The following ZBTB42 variants were observed in gnomAD, a reference collection of about 807,000 sequenced individuals.
ZBTB42 encodes the protein zinc finger and BTB domain-containing protein 42.
A neutral mutation model predicts 4.7 loss-of-function variants in ZBTB42; 3 were observed. That is an observed-to-expected ratio of 0.64 (90% CI 0.29 to 1.66). The LOEUF is 1.66. ZBTB42 is among the 40% of genes most tolerant of loss of function. The pLI is 0.10. For synonymous variants in ZBTB42, 255 were observed against 259.5 expected (o/e 0.98, Z 0.17); for missense variants, 521 against 577.1 (o/e 0.90, Z 1.00).
Position 104,801,848 on chromosome 14 carries a change from A to G in ZBTB42, c.651A>G (p.Pro217=), listed in dbSNP as rs1468599380. 1.3e-6 allele frequency: 2 copies of G among 1,550,112 alleles called. No individual in the cohort carries two copies. The highest frequency in any genetic ancestry group is 2.4e-5 in the East Asian group (1 of 40,916). The change falls in exon 1 of 1, where the codon CCA becomes CCG. Residue 217 remains proline (P), a synonymous_variant. Coordinates refer to ENST00000342537, the MANE Select transcript of ZBTB42 (RefSeq NM_001137601.3). This position sits in a 1 kb window ranked among gnomAD's most constrained non-coding sequence, Gnocchi z 4.4. Reference sequence around the variant, plus strand: ...CACCCCTCTGCAGCCAGAGGCAGCCAGGGGCCCAGCCACTGGTGAAGGACG... The same window carrying G: ...CACCCCTCTGCAGCCAGAGGCAGCCGGGGGCCCAGCCACTGGTGAAGGACG... ...LQTPLCSQRQ[P]GAQPLVKDER... is the part of the protein sequence containing the mutation.
rs778464420 is a variant in ZBTB42 at position 104,801,696 on chromosome 14, G to C, written c.499G>C (p.Ala167Pro). The C allele has an allele frequency of 1.2e-5, 18 of 1,550,150 alleles. No individual in the cohort carries two copies. The South Asian group carries it at 1.9e-4, about 16-fold the overall frequency. The change falls in exon 1 of 1, where the codon GCC becomes CCC. Residue 167 changes from alanine to proline, a missense_variant. Coordinates refer to ENST00000342537, the MANE Select transcript of ZBTB42 (RefSeq NM_001137601.3). The surrounding 1 kb of genome is among the most constrained non-coding windows in gnomAD (Gnocchi z 4.4). ...GCTCCCCCCGTTTGGGGTCAAGGCT[G>C]CCCTCCCTCCTCGAGCATCTGGGCC... The part of the protein sequence containing the change: ...AKLPPFGVKA[A>P]LPPRASGPPP...
In ZBTB42 at chr14:104,801,389, G is replaced by T. The variant is rs1473958003; in HGVS notation, c.192G>T (p.Val64=). The change falls in exon 1 of 1, where the codon GTG becomes GTT. Residue 64 remains valine, a synonymous_variant. Coordinates refer to ENST00000342537, the MANE Select transcript of ZBTB42 (RefSeq NM_001137601.3). The surrounding 1 kb of genome is among the most constrained non-coding windows in gnomAD (Gnocchi z 4.4). Reference sequence around the variant, plus strand: ...GGCCCGCGGGCAGTCGCGACACGGTGCGGCTCAACGGCGACATCGTCACGG... The same window carrying T: ...GGCCCGCGGGCAGTCGCGACACGGTTCGGCTCAACGGCGACATCGTCACGG... ...RDRPAGSRDT[V]RLNGDIVTAP... 8 of 1,547,654 alleles carry T rather than the reference G, an allele frequency of 5.2e-6. No homozygotes were observed. The highest frequency in any genetic ancestry group is 7.0e-6 in the Non-Finnish European group (8 of 1,145,462).
At chr14:104,801,064 C>G (rs1401818774), upstream of ZBTB42, 26 of 1,229,698 alleles carry the variant, frequency 2.1e-5, no homozygotes, top group Non-Finnish European at 2.1e-5. This position sits in a 1 kb window ranked among gnomAD's most constrained non-coding sequence, Gnocchi z 4.4. Flanking sequence ...CGCGGCGGCT[C>G]TGGACGGGAG....
Position 104,801,387 on chromosome 14 carries a change from G to A in ZBTB42, c.190G>A (p.Val64Met). 3 of 1,547,558 alleles carry A rather than the reference G, an allele frequency of 1.9e-6. No homozygotes were observed. ...RDRPAGSRDT[V>M]RLNGDIVTAP... ...CCGGCCCGCGGGCAGTCGCGACACGGTGCGGCTCAACGGCGACATCGTCAC... is the reference window on the plus strand; with the variant it reads ...CCGGCCCGCGGGCAGTCGCGACACGATGCGGCTCAACGGCGACATCGTCAC... The change falls in exon 1 of 1, where the codon GTG (valine) becomes ATG (methionine). Residue 64 changes from valine (V) to methionine (M), a missense_variant. Transcript: ENST00000342537. This position sits in a 1 kb window ranked among gnomAD's most constrained non-coding sequence, Gnocchi z 4.4.
chr14:104,801,756 G>A lies in ZBTB42; in HGVS notation c.559G>A (p.Ala187Thr). ...PCQVPEESDQ[A>T]LDLSLKSGPR... ...CCAGGTCCCAGAAGAGTCAGACCAG[G>A]CCCTGGACCTGTCGTTGAAGTCTGG... The change falls in exon 1 of 1, where the codon GCC becomes ACC. Residue 187 changes from alanine to threonine, a missense_variant. Transcript: ENST00000342537. The surrounding 1 kb of genome is among the most constrained non-coding windows in gnomAD (Gnocchi z 4.4). 1 of 1,549,642 alleles carries A rather than the reference G, an allele frequency of 6.5e-7. No individual in the cohort carries two copies. The highest frequency in any genetic ancestry group is 8.7e-7 in the Non-Finnish European group (1 of 1,146,602).
chr14:104,800,755 TCTCCCCG>T (rs1894020776), upstream of ZBTB42: 1 of 146,068 alleles, frequency 6.8e-6, no homozygotes, highest in Non-Finnish European at 1.5e-5. This position sits in a 1 kb window ranked among gnomAD's most constrained non-coding sequence, Gnocchi z 5.3. Flanking sequence ...CCGCCGGCCC[TCTCCCCG>T]CTCCCCGCGG....
rs1482222357 is a variant in ZBTB42 at position 104,804,064 on chromosome 14, G to C, written c.*1598G>C. 6.0e-6 allele frequency: 1 copy of C among 166,766 alleles called. No individual in the cohort carries two copies. The highest frequency in any genetic ancestry group is 2.4e-5 in the African/African-American group (1 of 41,452). 10.3% of individuals were successfully genotyped at this position (166,766 alleles called of 1,614,324 possible). A position where few individuals can be genotyped will look rare whatever the true frequency, so the allele number is the denominator to read the frequency against. Reference sequence around the variant, plus strand: ...GGCTTTGGTCTCGAGACAGCTGGGGGAGGGGCCCTGCTTCTGATTGTCCTG... The same window carrying C: ...GGCTTTGGTCTCGAGACAGCTGGGGCAGGGGCCCTGCTTCTGATTGTCCTG... On this transcript the variant is annotated 3_prime_UTR_variant, in exon 1 of 1. Coordinates refer to ENST00000342537, the MANE Select transcript of ZBTB42 (RefSeq NM_001137601.3).
Position 104,802,641 on chromosome 14 carries a change from T to A in ZBTB42, c.*175T>A. 4.1e-6 allele frequency: 4 copies of A among 972,004 alleles called. No homozygotes were observed. Among genetic ancestry groups the A allele is most frequent in the Non-Finnish European group, 6.0e-6 (4 of 664,438 alleles). 60.2% of individuals were successfully genotyped at this position (972,004 alleles called of 1,614,324 possible). The stretch of plus-strand genomic sequence containing the variant: ...TCCTGGAACTTGGCCTCAGACTCGG[T>A]AACTTGGGCAGCCTTCCTCCCACCT... On this transcript the variant is annotated 3_prime_UTR_variant, in exon 1 of 1. Coordinates refer to ENST00000342537, the MANE Select transcript of ZBTB42 (RefSeq NM_001137601.3). The surrounding 1 kb of genome is among the most constrained non-coding windows in gnomAD (Gnocchi z 5.9).
At position 104,802,053 on chromosome 14, in the gene ZBTB42, G is replaced by C. The variant is rs1372932885; in HGVS notation, c.856G>C (p.Glu286Gln). ...TGCAGGGCGACTGGCGAGTGAGGAC[G>C]AGCTGGGGCCTGGTGGGCCCCTCTG... Reference protein sequence around the residue: ...LGAGRLASEDELGPGGPLCIC... With the variant: ...LGAGRLASEDQLGPGGPLCIC... Residue 286 changes from glutamate to glutamine, a missense_variant, in exon 1 of 1, where the codon GAG becomes CAG. Glu to Gln is a conservative substitution (Grantham distance 29). Transcript: ENST00000342537. This position sits in a 1 kb window ranked among gnomAD's most constrained non-coding sequence, Gnocchi z 5.9. 3.3e-6 allele frequency: 5 copies of C among 1,498,398 alleles called. No homozygotes were observed. In the South Asian group the frequency reaches 6.4e-5, roughly 19 times the overall value. The allele number at this position is 1,498,398 out of a possible 1,614,324, so 92.8% of individuals were successfully genotyped here. A position where few individuals can be genotyped will look rare whatever the true frequency, so the allele number is the denominator to read the frequency against.
At position 104,802,390 on chromosome 14, in the gene ZBTB42, G is replaced by A. The variant is rs573642664; in HGVS notation, c.1193G>A (p.Arg398His). 38 of 1,550,838 alleles carry A rather than the reference G, an allele frequency of 2.5e-5. 1 individual carries two copies. Among genetic ancestry groups the A allele is most frequent in the African/African-American group, 9.6e-5 (7 of 73,198 alleles). Residue 398 changes from arginine to histidine, a missense_variant, in exon 1 of 1, where the codon CGT (arginine) becomes CAT (histidine). Transcript: ENST00000342537. This position sits in a 1 kb window ranked among gnomAD's most constrained non-coding sequence, Gnocchi z 5.9. ...CATGCCTGCCGGTGGTGTGAGCGCC[G>A]TTTCACGCAGTCCGGGGACCTCTAC... The part of the protein sequence containing the change: ...KPHACRWCER[R>H]FTQSGDLYRH...
chr14:104,801,871 A>T lies in ZBTB42; in HGVS notation c.674A>T (p.Asp225Val). ...CCAGGGGCCCAGCCACTGGTGAAGGACGAACGGGACTCACTGTCCGAACAG... is the reference window on the plus strand; with the variant it reads ...CCAGGGGCCCAGCCACTGGTGAAGGTCGAACGGGACTCACTGTCCGAACAG... ...RQPGAQPLVKDERDSLSEQEE... is the reference protein window; with the variant it reads ...RQPGAQPLVKVERDSLSEQEE... Residue 225 changes from aspartate to valine, a missense_variant, in exon 1 of 1, where the codon GAC (aspartate) becomes GTC (valine). Coordinates refer to ENST00000342537, the MANE Select transcript of ZBTB42 (RefSeq NM_001137601.3). This position sits in a 1 kb window ranked among gnomAD's most constrained non-coding sequence, Gnocchi z 4.4. 1 of 1,549,666 alleles carries T rather than the reference A, an allele frequency of 6.5e-7. No homozygotes were observed. Among genetic ancestry groups the T allele is most frequent in the South Asian group, 1.2e-5 (1 of 84,058 alleles).
rs1361463754 is a variant in ZBTB42 at position 104,803,079 on chromosome 14, G to GC, written c.*613_*614insC. On this transcript the variant is annotated 3_prime_UTR_variant, in exon 1 of 1. Coordinates refer to ENST00000342537, the MANE Select transcript of ZBTB42 (RefSeq NM_001137601.3). ...CAGCTGGTGTCTCGGGGTGGGGGGG[G>GC]GGGTGCAGCCCCAGCAGGGATCCTA... 2 of 147,634 alleles carry GC rather than the reference G, an allele frequency of 1.4e-5. No individual in the cohort carries two copies. The highest frequency in any genetic ancestry group is 2.7e-5 in the African/African-American group (1 of 37,564). 9.1% of individuals were successfully genotyped at this position (147,634 alleles called of 1,614,324 possible). A position where few individuals can be genotyped will look rare whatever the true frequency, so the allele number is the denominator to read the frequency against.
rs774942685 is a variant in ZBTB42, at chr14:104,802,375, G to A, written c.1178G>A (p.Arg393Gln). Reference protein sequence around the residue: ...VHTREKPHACRWCERRFTQSG... With the variant: ...VHTREKPHACQWCERRFTQSG... ...ACTCGAGAGAAGCCGCATGCCTGCC[G>A]GTGGTGTGAGCGCCGTTTCACGCAG... is the stretch of plus-strand genomic sequence containing the variant. Residue 393 changes from arginine (R) to glutamine (Q), a missense_variant, in exon 1 of 1, where the codon CGG (arginine) becomes CAG (glutamine). By Grantham distance (43) the Arg-to-Gln change is conservative. Transcript: ENST00000342537. This position sits in a 1 kb window ranked among gnomAD's most constrained non-coding sequence, Gnocchi z 5.9. 95 of 1,550,596 alleles carry A rather than the reference G, an allele frequency of 6.1e-5. No homozygotes were observed. Among genetic ancestry groups the A allele is most frequent in the Non-Finnish European group, 4.5e-5 (52 of 1,147,082 alleles).
rs1340303050 is a variant in ZBTB42, at chr14:104,803,969, TG to T, written c.*1505del. The T allele has an allele frequency of 1.2e-5, 2 of 166,560 alleles. No individual in the cohort carries two copies. Among genetic ancestry groups the T allele is most frequent in the African/African-American group, 4.8e-5 (2 of 41,460 alleles). The allele number at this position is 166,560 out of a possible 1,614,324, so 10.3% of individuals were successfully genotyped here. A position where few individuals can be genotyped will look rare whatever the true frequency, so the allele number is the denominator to read the frequency against. ...GCATCTCCCACGCGCCCTGGGCTCC[TG>T]GTGTGCTGGGTGCCAGCCTGGGAGC... is the stretch of plus-strand genomic sequence containing the variant. On this transcript the variant is annotated 3_prime_UTR_variant, in exon 1 of 1. Transcript: ENST00000342537.
chr14:104,801,438 G>A lies in ZBTB42; in HGVS notation c.241G>A (p.Asp81Asn). The change falls in exon 1 of 1, where the codon GAC (aspartate) becomes AAC (asparagine). Residue 81 changes from aspartate (D) to asparagine (N), a missense_variant. Coordinates refer to ENST00000342537, the MANE Select transcript of ZBTB42 (RefSeq NM_001137601.3). This position sits in a 1 kb window ranked among gnomAD's most constrained non-coding sequence, Gnocchi z 4.4. ...VTAPAFGRLL[D>N]FMYEGRLDLR... Reference sequence around the variant, plus strand: ...GGCGCCCGCCTTCGGCCGCCTACTGGACTTCATGTACGAGGGCCGCCTGGA... The same window carrying A: ...GGCGCCCGCCTTCGGCCGCCTACTGAACTTCATGTACGAGGGCCGCCTGGA... 6.5e-7 allele frequency: 1 copy of A among 1,549,950 alleles called. No individual in the cohort carries two copies. Among genetic ancestry groups the A allele is most frequent in the African/African-American group, 1.4e-5 (1 of 73,190 alleles).
rs1894109282 is a variant in ZBTB42, at chr14:104,803,803, C to G, written c.*1337C>G. The G allele has an allele frequency of 6.0e-6, 1 of 166,850 alleles. No homozygotes were observed. Among genetic ancestry groups the G allele is most frequent in the African/African-American group, 2.4e-5 (1 of 41,432 alleles). 10.3% of individuals were successfully genotyped at this position (166,850 alleles called of 1,614,324 possible). A position where few individuals can be genotyped will look rare whatever the true frequency, so the allele number is the denominator to read the frequency against. Reference sequence around the variant, plus strand: ...CAGAGCCACCTGGACGCCTGGAGACCACCTGGGATGTTTCCTCTGTGACTG... The same window carrying G: ...CAGAGCCACCTGGACGCCTGGAGACGACCTGGGATGTTTCCTCTGTGACTG... On this transcript the variant is annotated 3_prime_UTR_variant, in exon 1 of 1. Transcript: ENST00000342537.
At chr14:104,801,030 T>G, upstream of ZBTB42, 1 of 837,050 alleles carries the variant, frequency 1.2e-6, no homozygotes, top group Non-Finnish European at 1.7e-6. The surrounding 1 kb of genome is among the most constrained non-coding windows in gnomAD (Gnocchi z 4.4). Context: ...TTCGATCGAG[T>G]TTTTCCTGCT....
rs1442520138 is a variant in ZBTB42 at position 104,804,146 on chromosome 14, GGGGT to G, written c.*1682_*1685del. On this transcript the variant is annotated 3_prime_UTR_variant, in exon 1 of 1. Coordinates refer to ENST00000342537, the MANE Select transcript of ZBTB42 (RefSeq NM_001137601.3). ...TGTGATGTGCTCCATAATCGGGTGG[GGGGT>G]GTGTGTGTGTGTGTGTGTGTGTGTA... The G allele has an allele frequency of 9.0e-4, 24 of 26,634 alleles. No homozygotes were observed. The highest frequency in any genetic ancestry group is 6.3e-3 in the Non-Finnish European group (9 of 1,428). 1.6% of individuals were successfully genotyped at this position (26,634 alleles called of 1,614,324 possible).
At chr14:104,801,067 G>A, upstream of ZBTB42, 1 of 1,252,206 alleles carries the variant, frequency 8.0e-7, no homozygotes, top group Non-Finnish European at 1.0e-6. This position sits in a 1 kb window ranked among gnomAD's most constrained non-coding sequence, Gnocchi z 4.4. Flanking sequence ...GGCGGCTCTG[G>A]ACGGGAGGTT....
Sources: allele counts gnomAD v4.1 joint callset, GRCh38; gene constraint gnomAD v4.1.1; non-coding constraint Gnocchi (gnomAD v3.1); transcripts MANE v1.5; gene names NCBI Gene and HGNC (gene_info 2026-07-23, HGNC 2026-07-21).